The following RNF38 variants were observed in gnomAD, a reference collection of about 807,000 sequenced individuals.
RNF38 encodes ring finger protein 38, also known as E3 ubiquitin-protein ligase RNF38.
In RNF38, 15 loss-of-function variants were observed where a neutral mutation model predicts 67.2. The observed-to-expected ratio is 0.22, with a 90% CI of 0.15 to 0.34. The LOEUF (loss-of-function observed/expected upper bound fraction) is 0.34. Ranked by LOEUF, RNF38 falls within the 10% of genes least tolerant of loss-of-function variation. The pLI is 1.00. For synonymous variants in RNF38, 220 were observed against 218.8 expected (o/e 1.01, Z -0.05); for missense variants, 524 against 639.9 (o/e 0.82, Z 1.95).
upstream of RNF38, among the ~76,000 whole-genome samples, chr9:36,406,080 C>G (rs1453857572): frequency 6.6e-6 from 1 of 152,190 alleles, no homozygotes; most frequent in Non-Finnish European, 1.5e-5. Context: ...TATCAAATAT[C>G]TGTTTCCTCC....
chr9:36,405,659 G>A (rs1263498640), upstream of RNF38, among the ~76,000 whole-genome samples: 1 of 152,138 alleles, frequency 6.6e-6, no homozygotes, highest in African/African-American at 2.4e-5. Context: ...TGGCTAACTG[G>A]ACTTGGAGTT....
At chr9:36,397,162 G>A (rs1837601590) in intron 1 of RNF38, among the ~76,000 whole-genome samples, 1 of 149,940 alleles carries the variant, frequency 6.7e-6, no homozygotes, top group Admixed American at 6.6e-5. Context: ...GTGCAGTGGC[G>A]CAATCCTGAC....
chr9:36,415,740 G>A (rs1275023370), intron 2 of RNF38, among the ~76,000 whole-genome samples: 1 of 152,158 alleles, frequency 6.6e-6, no homozygotes, highest in Non-Finnish European at 1.5e-5. Flanking sequence ...TGGACCCTGT[G>A]AGGGTCCTTG....
chr9:36,462,151 C>A lies in RNF38; in HGVS notation n.241+25157G>T, dbSNP rs75453697. ...TGCAGTAAGATGTGGTCTGAATATC[C>A]ACTGGTTTGGCAACCCACCATTATG... is the stretch of plus-strand genomic sequence containing the variant. On this transcript the variant is annotated intron_variant and non_coding_transcript_variant, in intron 1 of 3. Transcript: ENST00000488058. Among the ~76,000 whole-genome samples, 1,183 of 152,262 alleles carry A rather than the reference C, an allele frequency of 7.8e-3. 15 individuals are homozygous for A. The highest frequency in any genetic ancestry group is 0.027 in the African/African-American group (1,123 of 41,548).
intron 9 of RNF38, among the ~76,000 whole-genome samples, chr9:36,348,218 C>T (rs1193285669): frequency 1.3e-5 from 2 of 151,152 alleles, no homozygotes; most frequent in Non-Finnish European, 3.0e-5. Context: ...AGAAAAAGTG[C>T]CATTCTCATT....
intron 1 of RNF38, among the ~76,000 whole-genome samples, chr9:36,427,615 C>T (rs190914278): frequency 0.011 from 1,697 of 152,228 alleles, 24 homozygotes; most frequent in Middle Eastern, 0.041. Context: ...AGCAGGCCCT[C>T]GCCATAATGA....
intron 1 of RNF38, among the ~76,000 whole-genome samples, chr9:36,450,074 G>A (rs1839400251): frequency 6.6e-6 from 1 of 151,946 alleles, no homozygotes. Context: ...TTTTATTGTG[G>A]TAGAATATAC....
chr9:36,373,409 A>G (rs932135347), intron 3 of RNF38, among the ~76,000 whole-genome samples: 3 of 152,180 alleles, frequency 2.0e-5, no homozygotes, highest in Admixed American at 2.0e-4. Context: ...AACCAAAATC[A>G]CATTATCTTA....
intron 4 of RNF38, among the ~76,000 whole-genome samples, chr9:36,360,649 T>C (rs1024546759): frequency 2.6e-5 from 4 of 152,194 alleles, no homozygotes; most frequent in Admixed American, 2.6e-4. Context: ...CCAACTATCA[T>C]CTTTTTGTGT....
chr9:36,473,941 A>G (rs1044052175), intron 1 of RNF38, among the ~76,000 whole-genome samples: 21 of 148,158 alleles, frequency 1.4e-4, no homozygotes, highest in Non-Finnish European at 3.1e-4. Context: ...AGCTGAGATC[A>G]TGCCACTGCA....
At chr9:36,396,360 G>A (rs1837510074) in intron 1 of RNF38, among the ~76,000 whole-genome samples, 1 of 152,124 alleles carries the variant, frequency 6.6e-6, no homozygotes, top group African/African-American at 2.4e-5. Context: ...CCATCCTACT[G>A]AGGCAGAATA....
At chr9:36,442,819 C>T (rs1839222128) in intron 1 of RNF38, among the ~76,000 whole-genome samples, 1 of 152,176 alleles carries the variant, frequency 6.6e-6, no homozygotes, top group African/African-American at 2.4e-5. Flanking sequence ...TTCGCTCACC[C>T]AATAACAGTA....
intron 1 of RNF38, among the ~76,000 whole-genome samples, chr9:36,455,887 G>C (rs1202745861): frequency 6.7e-6 from 1 of 148,634 alleles, no homozygotes; most frequent in Non-Finnish European, 1.5e-5. Context: ...CTTCACCCTG[G>C]GTGACAGAGC....
intron 1 of RNF38, among the ~76,000 whole-genome samples, chr9:36,479,239 C>T (rs1253396657): frequency 1.3e-5 from 2 of 152,172 alleles, no homozygotes; most frequent in African/African-American, 4.8e-5. Flanking sequence ...ATTATAATTA[C>T]AGCAATCCCG....
intron 2 of RNF38, among the ~76,000 whole-genome samples, chr9:36,382,495 T>C (rs557730638): frequency 6.6e-6 from 1 of 152,232 alleles, no homozygotes; most frequent in Admixed American, 6.5e-5. Context: ...AAGTCAGAAG[T>C]CATTAAAGGC....
intron 9 of RNF38, among the ~76,000 whole-genome samples, chr9:36,347,168 A>C (rs1265902524): frequency 7.1e-6 from 1 of 140,440 alleles, no homozygotes; most frequent in African/African-American, 2.7e-5. Context: ...TGCCAAATTG[A>C]TGGTGATTAC....
rs578135674 is a variant in RNF38 at position 36,481,933 on chromosome 9, T to C, written n.241+5375A>G. 7.0e-4 allele frequency among the ~76,000 whole-genome samples: 106 copies of C among 151,852 alleles called. 1 individual carries two copies. The highest frequency in any genetic ancestry group is 2.1e-3 in the South Asian group (10 of 4,810). ...TCAGGAATGCTAGTGCAGGGGGAAA[T>C]AGGAAGAGAAAAATAACTGCATTTA... On this transcript the variant is annotated intron_variant and non_coding_transcript_variant, in intron 1 of 3. Coordinates refer to the RNF38 transcript ENST00000488058.
At chr9:36,487,010 T>C (rs2134474802) in intron 1 of RNF38, among the ~76,000 whole-genome samples, 1 of 152,140 alleles carries the variant, frequency 6.6e-6, no homozygotes, top group Non-Finnish European at 1.5e-5. Flanking sequence ...TATGTGACCT[T>C]GGGCAAGTCA....
chr9:36,376,263 T>G (rs570954722), intron 2 of RNF38, 136 bp from the exon 3 acceptor site: 1 of 627,924 alleles, frequency 1.6e-6, no homozygotes, highest in African/African-American at 1.9e-5. Flanking sequence ...ATGCTATCAA[T>G]TCAAATTTAA....
Sources: gnomAD v4.1 joint callset for allele counts (sites outside exome capture counted in the v4.1 genomes callset) on GRCh38, gnomAD v4.1.1 for gene constraint, MANE v1.5 for transcripts, NCBI Gene and HGNC (gene_info 2026-07-23, HGNC 2026-07-21) for gene names.